Variants in A1CF observed in about 807,000 individuals in gnomAD.
A1CF encodes APOBEC1 complementation factor, also known as APOBEC-1 stimulating protein.
In A1CF, 48 loss-of-function variants were observed where a neutral mutation model predicts 68.9. The observed-to-expected ratio is 0.70, with a 90% CI of 0.55 to 0.89. The LOEUF (loss-of-function observed/expected upper bound fraction) is 0.89, where lower values mean the gene tolerates loss of function less well. A1CF is among the 40% of genes least tolerant of loss of function. The pLI is 0.00. For missense variants in A1CF, 653 were observed against 718.9 expected (o/e 0.91, Z 1.05); for synonymous variants, 272 against 260.4 (o/e 1.04, Z -0.43).
Position 50,813,966 on chromosome 10 carries a change from A to T in A1CF, c.1214T>A (p.Val405Asp), listed in dbSNP as rs970576170. 3 of 1,613,784 alleles carry T rather than the reference A, an allele frequency of 1.9e-6. No individual in the cohort carries two copies. In the African/African-American group the frequency reaches 4.0e-5, roughly 22 times the overall value. ...AYTGLGRGYQ[V>D]KGDKREDKLY... ...TTTGTCTTCTCTTTTGTCTCCTTTGACCTGGTATCCTCGACCCAGGCCTGT... is the reference window on the plus strand; with the variant it reads ...TTTGTCTTCTCTTTTGTCTCCTTTGTCCTGGTATCCTCGACCCAGGCCTGT... Residue 405 changes from valine to aspartate, a missense_variant, in exon 10 of 13, where the codon GTC becomes GAC. Coordinates refer to ENST00000373997, the MANE Select transcript of A1CF (RefSeq NM_014576.4).
rs1024694933 is a variant in A1CF, at chr10:50,810,915, T to G, written c.1460+125A>C. The stretch of plus-strand genomic sequence containing the variant: ...CACATCCCAACTACACATCTCAATA[T>G]TTGCATTGAATGACAAATGAGTAGG... On this transcript the variant is annotated intron_variant, in intron 11 of 12. Coordinates refer to ENST00000373997, the MANE Select transcript of A1CF (RefSeq NM_014576.4). 5 of 1,135,360 alleles carry G rather than the reference T, an allele frequency of 4.4e-6. No individual in the cohort carries two copies. In the Admixed American group the frequency reaches 1.3e-4, roughly 29 times the overall value. The allele number at this position is 1,135,360 out of a possible 1,614,324, so 70.3% of individuals were successfully genotyped here.
chr10:50,841,042 G>T (rs988276260), intron 5 of A1CF, among the ~76,000 whole-genome samples: 1 of 152,126 alleles, frequency 6.6e-6, no homozygotes, highest in African/African-American at 2.4e-5. Context: ...CTAGACAACT[G>T]CAGCAGCCTT....
chr10:50,811,365 A>G (rs1838103369), intron 10 of A1CF, among the ~76,000 whole-genome samples, 189 bp from the exon 11 acceptor site: 1 of 152,230 alleles, frequency 6.6e-6, no homozygotes, highest in Non-Finnish European at 1.5e-5. Flanking sequence ...TGTTAGGTCT[A>G]TTAGTTCATA....
At chr10:50,862,856 G>A (rs571795075) in intron 2 of A1CF, 2 of 152,270 alleles carry the variant, frequency 1.3e-5, no homozygotes, top group Admixed American at 1.3e-4. Context: ...CTGTGGATGG[G>A]GTCTGATGGG....
intron 5 of A1CF, among the ~76,000 whole-genome samples, chr10:50,839,012 G>C (rs959430711): frequency 6.6e-6 from 1 of 151,916 alleles, no homozygotes; most frequent in Non-Finnish European, 1.5e-5. Context: ...CATTCATAGA[G>C]CACCTAGTAT....
chr10:50,878,549 T>A (rs1841624482), intron 1 of A1CF, among the ~76,000 whole-genome samples: 1 of 152,228 alleles, frequency 6.6e-6, no homozygotes, highest in African/African-American at 2.4e-5. Flanking sequence ...CTTTAACATA[T>A]GATTTGTCTC....
chr10:50,843,921 C>T (rs902884552), intron 4 of A1CF, 67 bp downstream of exon 4: 3 of 1,582,016 alleles, frequency 1.9e-6, no homozygotes, highest in Non-Finnish European at 2.6e-6. Context: ...AGAATGAAAG[C>T]AAAGTGAAGA....
intron 8 of A1CF, 22 bp downstream of exon 8, chr10:50,820,530 T>G (rs753536099): frequency 2.5e-6 from 4 of 1,607,578 alleles, no homozygotes; most frequent in Non-Finnish European, 3.4e-6. Flanking sequence ...ATCTGCATAT[T>G]TTTTTCTTTC....
intron 2 of A1CF, among the ~76,000 whole-genome samples, chr10:50,860,575 G>A (rs184673632): frequency 3.9e-5 from 6 of 152,248 alleles, no homozygotes; most frequent in African/African-American, 2.4e-5. Context: ...TTGACTTGAC[G>A]TGGGAAGGGT....
intron 1 of A1CF, among the ~76,000 whole-genome samples, chr10:50,871,553 A>G (rs1252619974): frequency 6.6e-6 from 1 of 152,050 alleles, no homozygotes; most frequent in East Asian, 1.9e-4. Flanking sequence ...CATATATTGA[A>G]AGTGTATAAT....
rs569189031 is a variant in A1CF at position 50,878,991 on chromosome 10, A to G, written c.-94+6590T>C. Among the ~76,000 whole-genome samples the G allele has an allele frequency of 2.6e-5, 4 of 152,298 alleles. No homozygotes were observed. In the East Asian group the frequency reaches 7.7e-4, roughly 29 times the overall value. Reference sequence around the variant, plus strand: ...CCTCCCTGGACCATCTGCTCTTGACATCTTCTCTTCCCTATCATCAAAACT... The same window carrying G: ...CCTCCCTGGACCATCTGCTCTTGACGTCTTCTCTTCCCTATCATCAAAACT... On this transcript the variant is annotated intron_variant, in intron 1 of 12. Transcript: ENST00000373997.
At chr10:50,881,151 G>T (rs1327206590) in intron 1 of A1CF, among the ~76,000 whole-genome samples, 5 of 152,054 alleles carry the variant, frequency 3.3e-5, no homozygotes, top group Non-Finnish European at 7.4e-5. Flanking sequence ...CACCATGCCT[G>T]GCTAATTTTT....
intron 7 of A1CF, among the ~76,000 whole-genome samples, chr10:50,827,103 C>T (rs1324179569): frequency 1.3e-5 from 2 of 152,104 alleles, no homozygotes; most frequent in South Asian, 2.1e-4. Context: ...TATATATGCA[C>T]CCAATACAGG....
chr10:50,840,959 C>G (rs1415363295), intron 5 of A1CF, among the ~76,000 whole-genome samples: 1 of 152,146 alleles, frequency 6.6e-6, no homozygotes, highest in African/African-American at 2.4e-5. Context: ...TTGTGTATAT[C>G]CCAGATCTCA....
intron 8 of A1CF, chr10:50,816,499 C>T: frequency 1.8e-6 from 1 of 547,168 alleles, no homozygotes; most frequent in Non-Finnish European, 3.2e-6. Context: ...TTGACAGTGA[C>T]ATATTGGCCA....
chr10:50,804,278 T>G lies in A1CF; in HGVS notation c.*2451A>C, dbSNP rs1160033257. 1 of 152,080 alleles carries G rather than the reference T, an allele frequency of 6.6e-6. No homozygotes were observed. Among genetic ancestry groups the G allele is most frequent in the Non-Finnish European group, 1.5e-5 (1 of 67,986 alleles). The allele number at this position is 152,080 out of a possible 1,614,324, so 9.4% of individuals were successfully genotyped here. A position where few individuals can be genotyped will look rare whatever the true frequency, so the allele number is the denominator to read the frequency against. ...TATGTTTAGGTGTCTGCTCTTAATA[T>G]TGTAAACAAACAATTATGACTTTAT... On this transcript the variant is annotated 3_prime_UTR_variant, in exon 13 of 13. Coordinates refer to ENST00000373997, the MANE Select transcript of A1CF (RefSeq NM_014576.4).
At chr10:50,858,696 G>A (rs1264565098) in intron 3 of A1CF, among the ~76,000 whole-genome samples, 1 of 151,968 alleles carries the variant, frequency 6.6e-6, no homozygotes, top group Non-Finnish European at 1.5e-5. Flanking sequence ...ATTCTTGATT[G>A]TATAACATCT....
chr10:50,874,861 C>T (rs1265327930), intron 1 of A1CF, among the ~76,000 whole-genome samples: 1 of 152,094 alleles, frequency 6.6e-6, no homozygotes, highest in African/African-American at 2.4e-5. Flanking sequence ...AACCAGACTC[C>T]CTGCCTGGAC....
chr10:50,824,779 A>T (rs1170182069), intron 7 of A1CF, among the ~76,000 whole-genome samples: 1 of 152,206 alleles, frequency 6.6e-6, no homozygotes, highest in African/African-American at 2.4e-5. Flanking sequence ...AGGATCTGCG[A>T]CCTGCTAGCT....
Sources: allele counts gnomAD v4.1 joint callset (sites outside exome capture counted in the v4.1 genomes callset), GRCh38; gene constraint gnomAD v4.1.1; transcripts MANE v1.5; gene names NCBI Gene and HGNC (gene_info 2026-07-23, HGNC 2026-07-21).